OGDH: variants seen among roughly 807,000 people sequenced by gnomAD.
The protein encoded by OGDH is oxoglutarate dehydrogenase, also known as 2-oxoglutarate dehydrogenase complex component E1.
OGDH carries 38 observed loss-of-function variants against 116.6 expected under a neutral mutation model. The observed-to-expected ratio is 0.33, with a 90% CI of 0.25 to 0.43. OGDH has a LOEUF of 0.43. OGDH is among the 20% of genes least tolerant of loss of function. OGDH has a pLI of 1.00. For missense variants in OGDH, 825 were observed against 1,357.2 expected (o/e 0.61, Z 6.16); for synonymous variants, 488 against 533.3 (o/e 0.92, Z 1.17).
intron 1 of OGDH, among the ~76,000 whole-genome samples, chr7:44,607,630 C>G (rs973288611): frequency 3.3e-5 from 5 of 151,836 alleles, no homozygotes. Context: ...GTATGTAACA[C>G]TATTGTAGTT....
At chr7:44,645,837 T>C (rs1786150881) in intron 3 of OGDH, among the ~76,000 whole-genome samples, 1 of 152,192 alleles carries the variant, frequency 6.6e-6, no homozygotes, top group African/African-American at 2.4e-5. Flanking sequence ...GGAGAAGTGC[T>C]GCCCATCTGC....
Position 44,640,895 on chromosome 7 carries a change from GT to G in OGDH, c.223-4419del, listed in dbSNP as rs555010115. Among the ~76,000 whole-genome samples the G allele has an allele frequency of 8.1e-3, 1,162 of 143,302 alleles. 11 individuals are homozygous for G. Among genetic ancestry groups the G allele is most frequent in the African/African-American group, 0.025 (985 of 39,340 alleles). 94.0% of individuals were successfully genotyped at this position (143,302 alleles called of 152,430 possible). ...AAAATTTTGATTAGGTTTTTTGTGGGTTTTTTTTTTTTTCTTTGAGACAGAG... is the reference window on the plus strand; with the variant it reads ...AAAATTTTGATTAGGTTTTTTGTGGGTTTTTTTTTTTTCTTTGAGACAGAG... On this transcript the variant is annotated intron_variant, in intron 2 of 22. Coordinates refer to ENST00000222673, the MANE Select transcript of OGDH (RefSeq NM_002541.4).
chr7:44,682,282 G>T (rs924934336), intron 10 of OGDH, among the ~76,000 whole-genome samples: 35 of 152,026 alleles, frequency 2.3e-4, no homozygotes, highest in Non-Finnish European at 1.2e-4. Flanking sequence ...CTGCTTGGAA[G>T]GCTGAGGCAG....
intron 3 of OGDH, among the ~76,000 whole-genome samples, chr7:44,646,511 A>G (rs556995597): frequency 5.9e-5 from 9 of 152,342 alleles, no homozygotes; most frequent in African/African-American, 1.7e-4. Flanking sequence ...TGTAAATGCT[A>G]TATGCTTTAA....
chr7:44,617,260 A>G (rs564806903), intron 1 of OGDH, among the ~76,000 whole-genome samples: 9 of 152,050 alleles, frequency 5.9e-5, no homozygotes, highest in Non-Finnish European at 8.8e-5. Context: ...TATACCTTCA[A>G]GTTTTCAAAG....
chr7:44,617,965 T>C (rs1462525349), intron 1 of OGDH, among the ~76,000 whole-genome samples: 2 of 152,332 alleles, frequency 1.3e-5, no homozygotes, highest in Non-Finnish European at 2.9e-5. Flanking sequence ...GGGTACCTCC[T>C]ACCCAACTGG....
At position 44,697,279 on chromosome 7, in the gene OGDH, C is replaced by A; in HGVS notation, c.2052-91C>A. On this transcript the variant is annotated intron_variant, in intron 15 of 22. Transcript: ENST00000222673. The surrounding 1 kb of genome is among the most constrained non-coding windows in gnomAD (Gnocchi z 6.0). ...CTGGCCAGAAGTCCAGGTCACAGAG[C>A]ATGGCATCTGCTGGTGCTTCGTGCG... is the stretch of plus-strand genomic sequence containing the variant. The A allele has an allele frequency of 1.3e-6, 2 of 1,556,834 alleles. No individual in the cohort carries two copies. Among genetic ancestry groups the A allele is most frequent in the Non-Finnish European group, 1.8e-6 (2 of 1,141,150 alleles).
At chr7:44,702,547 T>G (rs59468568) in intron 20 of OGDH, among the ~76,000 whole-genome samples, 1,576 of 152,262 alleles carry the variant, frequency 0.01, 25 homozygotes, top group African/African-American at 0.035. Context: ...CCTTGTTTTT[T>G]GGGGGTTTTT....
chr7:44,697,310 C>G lies in OGDH; in HGVS notation c.2052-60C>G. The G allele has an allele frequency of 6.2e-7, 1 of 1,606,842 alleles. No individual in the cohort carries two copies. Among genetic ancestry groups the G allele is most frequent in the Non-Finnish European group, 8.5e-7 (1 of 1,175,192 alleles). ...ATCTGCTGGTGCTTCGTGCGGGTCCCCAGCGTATTTGCTTGTCAAGTCAGA... is the reference window on the plus strand; with the variant it reads ...ATCTGCTGGTGCTTCGTGCGGGTCCGCAGCGTATTTGCTTGTCAAGTCAGA... On this transcript the variant is annotated intron_variant, in intron 15 of 22. Coordinates refer to ENST00000222673, the MANE Select transcript of OGDH (RefSeq NM_002541.4). This position sits in a 1 kb window ranked among gnomAD's most constrained non-coding sequence, Gnocchi z 6.0.
chr7:44,622,398 T>G (rs1448893422), intron 1 of OGDH, among the ~76,000 whole-genome samples: 1 of 152,206 alleles, frequency 6.6e-6, no homozygotes, highest in Non-Finnish European at 1.5e-5. Context: ...ATTCCCTAAT[T>G]ATATCCAGAA....
At chr7:44,639,535 TTACA>T (rs1288992079) in intron 2 of OGDH, among the ~76,000 whole-genome samples, 2 of 152,244 alleles carry the variant, frequency 1.3e-5, no homozygotes, top group East Asian at 3.8e-4. Context: ...GAGGTTTAAC[TTACA>T]TATATTAAAA....
At chr7:44,607,299 T>G (rs1218575481) in intron 1 of OGDH, among the ~76,000 whole-genome samples, 1 of 152,234 alleles carries the variant, frequency 6.6e-6, no homozygotes. Flanking sequence ...GAAACATCTT[T>G]CAAGCACCAT....
chr7:44,646,083 A>G (rs961834471), intron 3 of OGDH, among the ~76,000 whole-genome samples: 1 of 152,182 alleles, frequency 6.6e-6, no homozygotes, highest in African/African-American at 2.4e-5. Context: ...TGAGCAGGAC[A>G]AGGTTTTTCC....
chr7:44,704,901 G>A lies in OGDH; in HGVS notation c.2633-2324G>A, dbSNP rs150925110. Among the ~76,000 whole-genome samples, 1,162 of 151,596 alleles carry A rather than the reference G, an allele frequency of 7.7e-3. 12 individuals are homozygous for A. The highest frequency in any genetic ancestry group is 0.027 in the African/African-American group (1,095 of 41,224). On this transcript the variant is annotated intron_variant, in intron 20 of 22. Coordinates refer to ENST00000222673, the MANE Select transcript of OGDH (RefSeq NM_002541.4). ...AATTTTTGTATTTTTAGTATAGACA[G>A]GGTTCCACCATGTTGACCAGGCTGG... is the stretch of plus-strand genomic sequence containing the variant.
chr7:44,701,281 G>A (rs1788817901), intron 19 of OGDH, among the ~76,000 whole-genome samples: 1 of 152,188 alleles, frequency 6.6e-6, no homozygotes, highest in African/African-American at 2.4e-5. Context: ...GAGAAGCAGG[G>A]AAGGGAGTAT....
At chr7:44,687,081 A>T (rs60543991) in intron 10 of OGDH, among the ~76,000 whole-genome samples, 8 of 131,160 alleles carry the variant, frequency 6.1e-5, no homozygotes, top group Admixed American at 1.6e-4. Context: ...TTTTAAAAAA[A>T]TTTTTTTTAA....
At chr7:44,620,405 T>C (rs1585226974) in intron 1 of OGDH, among the ~76,000 whole-genome samples, 1 of 152,376 alleles carries the variant, frequency 6.6e-6, no homozygotes, top group Admixed American at 6.5e-5. Context: ...ATACATTGCT[T>C]GAATCAAGGT....
chr7:44,707,110 C>T lies in OGDH; in HGVS notation c.2633-115C>T. ...AGAGGCTGGTGAAGGGGAAGCATCTCTAACCCTTGAAAGCTGCGTCTCCTG... is the reference window on the plus strand; with the variant it reads ...AGAGGCTGGTGAAGGGGAAGCATCTTTAACCCTTGAAAGCTGCGTCTCCTG... On this transcript the variant is annotated intron_variant, in intron 20 of 22. Transcript: ENST00000222673. This position sits in a 1 kb window ranked among gnomAD's most constrained non-coding sequence, Gnocchi z 5.2. 8.9e-7 allele frequency: 1 copy of T among 1,123,402 alleles called. No individual in the cohort carries two copies. Among genetic ancestry groups the T allele is most frequent in the Non-Finnish European group, 1.3e-6 (1 of 785,198 alleles). The allele number at this position is 1,123,402 out of a possible 1,614,324, so 69.6% of individuals were successfully genotyped here. A position where few individuals can be genotyped will look rare whatever the true frequency, so the allele number is the denominator to read the frequency against.
Position 44,624,369 on chromosome 7 carries a change from C to G in OGDH, c.26C>G (p.Ala9Gly). The G allele has an allele frequency of 6.4e-7, 1 of 1,559,286 alleles. No individual in the cohort carries two copies. Among genetic ancestry groups the G allele is most frequent in the Non-Finnish European group, 8.7e-7 (1 of 1,152,098 alleles). The change falls in exon 2 of 23, where the codon GCT becomes GGT. Residue 9 changes from alanine (A) to glycine (G), a missense_variant. Physicochemically the swap from Ala to Gly is moderately conservative, Grantham distance 60. Transcript: ENST00000222673. MFHLRTCA[A>G]KLRPLTASQT... is the part of the protein sequence containing the mutation. ...ATGTTTCATTTAAGGACTTGTGCTG[C>G]TAAGTTGAGGCCATTGACGGCTTCC...
Sources: gnomAD v4.1 joint callset for allele counts (sites outside exome capture counted in the v4.1 genomes callset) on GRCh38, gnomAD v4.1.1 for gene constraint, Gnocchi (gnomAD v3.1) non-coding constraint, MANE v1.5 for transcripts, NCBI Gene and HGNC (gene_info 2026-07-23, HGNC 2026-07-21) for gene names.